Variants in PIAS2 observed in about 807,000 individuals in gnomAD.
PIAS2 encodes E3 SUMO-protein ligase PIAS2.
PIAS2 carries 19 observed loss-of-function variants against 69.7 expected under a neutral mutation model. The observed-to-expected ratio is 0.27, with a 90% confidence interval of 0.19 to 0.40. PIAS2 has a LOEUF of 0.40. PIAS2 is among the 10% of genes least tolerant of loss of function. The pLI, the probability that PIAS2 is intolerant of heterozygous loss-of-function variation, is 1.00. For missense variants in PIAS2, 624 were observed against 757.0 expected, an observed-to-expected ratio of 0.82 and a Z score of 2.06; for synonymous variants, 261 against 263.2, an observed-to-expected ratio of 0.99 and a Z score of 0.08.
At chr18:46,839,569 T>A (rs2044992320) in intron 8 of PIAS2, among the ~76,000 whole-genome samples, 1 of 152,184 alleles carries the variant, frequency 6.6e-6, no homozygotes, top group African/African-American at 2.4e-5. Flanking sequence ...TCAAAACCCC[T>A]TTAAACTCTT....
chr18:46,817,748 C>T, intron 12 of PIAS2: 2 of 948,294 alleles, frequency 2.1e-6, no homozygotes, highest in Non-Finnish European at 2.5e-6. Context: ...TCACTGAAAC[C>T]ATTTTTTTCT....
At chr18:46,868,035 A>T (rs2049760764) in intron 2 of PIAS2, among the ~76,000 whole-genome samples, 1 of 152,218 alleles carries the variant, frequency 6.6e-6, no homozygotes. Flanking sequence ...CATAGCTGCC[A>T]AACATATCAG....
At chr18:46,836,199 T>C in intron 9 of PIAS2, 158 bp downstream of exon 9, 1 of 548,210 alleles carries the variant, frequency 1.8e-6, no homozygotes, top group Non-Finnish European at 3.3e-6. Context: ...AAAATAAGAT[T>C]GAGTATAATT....
At chr18:46,887,844 T>G (rs2053455091) in intron 2 of PIAS2, among the ~76,000 whole-genome samples, 1 of 152,144 alleles carries the variant, frequency 6.6e-6, no homozygotes, top group Non-Finnish European at 1.5e-5. Context: ...ACCATAAGAA[T>G]GCTTGAGTAA....
intron 2 of PIAS2, among the ~76,000 whole-genome samples, chr18:46,885,749 T>C (rs1453849961): frequency 6.6e-6 from 1 of 151,786 alleles, no homozygotes; most frequent in Non-Finnish European, 1.5e-5. Flanking sequence ...GGGTAGAAAG[T>C]GTATAAGCCA....
intron 5 of PIAS2, among the ~76,000 whole-genome samples, chr18:46,851,462 T>G (rs890881365): frequency 6.6e-6 from 1 of 152,234 alleles, no homozygotes; most frequent in African/African-American, 2.4e-5. Context: ...TTCTTTCTTC[T>G]GCCCATTAAA....
At chr18:46,862,878 T>A (rs2048890962) in intron 3 of PIAS2, among the ~76,000 whole-genome samples, 1 of 152,054 alleles carries the variant, frequency 6.6e-6, no homozygotes, top group Non-Finnish European at 1.5e-5. Context: ...GCTAATTTGT[T>A]GTATTTTTAG....
intron 8 of PIAS2, among the ~76,000 whole-genome samples, chr18:46,841,927 T>A (rs1376896290): frequency 6.6e-6 from 1 of 152,198 alleles, no homozygotes; most frequent in Non-Finnish European, 1.5e-5. Flanking sequence ...ATACACTACT[T>A]TCACTATTAT....
chr18:46,904,543 G>C (rs911038538), intron 1 of PIAS2, among the ~76,000 whole-genome samples: 1 of 152,094 alleles, frequency 6.6e-6, no homozygotes, highest in Non-Finnish European at 1.5e-5. Context: ...CTGAGATCAG[G>C]AGTTCAAGAC....
In PIAS2 at chr18:46,855,417, T is replaced by C; in HGVS notation, c.654A>G (p.Thr218=). ...GATAGTTATCTTCTTGAGGGCAACT[T>C]GTCTCTGCCAGGCAAAGTCTGCATT... is the stretch of plus-strand genomic sequence containing the variant. The part of the protein sequence containing the change: ...QVQLRLCLAE[T]SCPQEDNYPN... Residue 218 remains threonine (T), a synonymous_variant, in exon 5 of 14, where the codon ACA becomes ACG. Coordinates refer to ENST00000585916, the MANE Select transcript of PIAS2 (RefSeq NM_004671.5). 1 of 1,612,668 alleles carries C rather than the reference T, an allele frequency of 6.2e-7. No homozygotes were observed. Among genetic ancestry groups the C allele is most frequent in the Non-Finnish European group, 8.5e-7 (1 of 1,179,066 alleles).
At chr18:46,825,861 T>A (rs1324143648) in intron 11 of PIAS2, among the ~76,000 whole-genome samples, 1 of 152,214 alleles carries the variant, frequency 6.6e-6, no homozygotes, top group East Asian at 1.9e-4. Context: ...TATGACGAGA[T>A]CCATCTTATC....
At position 46,804,667 on chromosome 18, in the gene PIAS2, A is replaced by G. The variant is rs1042492650; in HGVS notation, c.*7766T>C. ...CCTCACATTTCTCCACATTACTTCT[A>G]TTAAATCATTGAGGTGCCTCATTTA... On this transcript the variant is annotated 3_prime_UTR_variant, in exon 14 of 14. Transcript: ENST00000585916. The G allele has an allele frequency of 3.9e-5, 6 of 152,184 alleles. No homozygotes were observed. Among genetic ancestry groups the G allele is most frequent in the African/African-American group, 1.4e-4 (6 of 41,444 alleles). 9.4% of individuals were successfully genotyped at this position (152,184 alleles called of 1,614,324 possible). A position where few individuals can be genotyped will look rare whatever the true frequency, so the allele number is the denominator to read the frequency against.
chr18:46,867,639 T>C (rs998628138), intron 2 of PIAS2, among the ~76,000 whole-genome samples: 1 of 152,228 alleles, frequency 6.6e-6, no homozygotes, highest in Non-Finnish European at 1.5e-5. Flanking sequence ...GAATTAAATA[T>C]GGCTTTATTC....
intron 9 of PIAS2, among the ~76,000 whole-genome samples, chr18:46,835,405 G>C (rs2044284852): frequency 6.6e-6 from 1 of 152,120 alleles, no homozygotes; most frequent in East Asian, 1.9e-4. Flanking sequence ...GAACATTAAA[G>C]TCCCATTCAC....
chr18:46,844,822 T>A lies in PIAS2; in HGVS notation c.879A>T (p.Val293=), dbSNP rs534190799. Residue 293 remains valine, a synonymous_variant, in exon 7 of 14, where the codon GTA becomes GTT. Coordinates refer to ENST00000585916, the MANE Select transcript of PIAS2 (RefSeq NM_004671.5). ...SEIGKNYSMS[V]YLVRQLTSAM... The stretch of plus-strand genomic sequence containing the variant: ...CTGATGTAAGCTGCCGTACAAGATA[T>A]ACAGACATAGAGTAATTCTACAAAC... The A allele has an allele frequency of 8.2e-5, 119 of 1,444,742 alleles. 2 individuals are homozygous for A. In the South Asian group the frequency reaches 1.7e-3, roughly 21 times the overall value. 89.5% of individuals were successfully genotyped at this position (1,444,742 alleles called of 1,614,324 possible).
intron 2 of PIAS2, 52 bp from the exon 3 acceptor site, chr18:46,864,300 T>C: frequency 1.7e-6 from 2 of 1,192,462 alleles, no homozygotes; most frequent in East Asian, 2.4e-5. Context: ...AATCCAACAC[T>C]ACAACCACCT....
chr18:46,829,963 T>C (rs2144971045), intron 9 of PIAS2, 96 bp from the exon 10 acceptor site: 1 of 1,073,002 alleles, frequency 9.3e-7, no homozygotes, highest in East Asian at 2.4e-5. Flanking sequence ...ACATAAGTAA[T>C]GTTAGCTGAC....
chr18:46,889,141 A>C (rs1290740728), intron 2 of PIAS2, among the ~76,000 whole-genome samples: 1 of 152,226 alleles, frequency 6.6e-6, no homozygotes, highest in Non-Finnish European at 1.5e-5. Context: ...TTAAAGGAAA[A>C]CACAGGGCAA....
chr18:46,849,641 A>G (rs934805042), intron 5 of PIAS2, among the ~76,000 whole-genome samples: 1 of 152,168 alleles, frequency 6.6e-6, no homozygotes, highest in African/African-American at 2.4e-5. Flanking sequence ...AGTTGTCCAC[A>G]ATTATTGTAC....
Sources: allele counts gnomAD v4.1 joint callset (sites outside exome capture counted in the v4.1 genomes callset), GRCh38; gene constraint gnomAD v4.1.1; transcripts MANE v1.5; gene names NCBI Gene and HGNC (gene_info 2026-07-23, HGNC 2026-07-21).